DPH6: variants seen among roughly 807,000 people sequenced by gnomAD.
The protein encoded by DPH6 is diphthamine biosynthesis 6.
In DPH6, 33 loss-of-function variants were observed where a neutral mutation model predicts 38.2. The observed-to-expected ratio is 0.86, with a 90% CI of 0.65 to 1.15. The LOEUF (loss-of-function observed/expected upper bound fraction) is 1.15, where lower values mean the gene tolerates loss of function less well. Ranked by LOEUF, DPH6 falls within the 50% of genes most tolerant of loss-of-function variation. The pLI is 0.00. For missense variants in DPH6, 325 were observed against 320.0 expected (o/e 1.02, Z -0.12); for synonymous variants, 108 against 103.0 (o/e 1.05, Z -0.30).
intron 3 of DPH6, among the ~76,000 whole-genome samples, chr15:35,340,716 C>G (rs2052414189): frequency 6.6e-6 from 1 of 152,208 alleles, no homozygotes; most frequent in South Asian, 2.1e-4. Flanking sequence ...CCAATCTCTT[C>G]TGGCTTGTGG....
At chr15:35,398,459 C>T (rs773501346) in intron 6 of DPH6, among the ~76,000 whole-genome samples, 4 of 152,170 alleles carry the variant, frequency 2.6e-5, no homozygotes, top group Non-Finnish European at 5.9e-5. Flanking sequence ...TCCATGAAAA[C>T]CCGAACGGAC....
intron 6 of DPH6, chr15:35,400,616 T>G (rs1359069615): frequency 4.1e-6 from 2 of 483,988 alleles, no homozygotes; most frequent in African/African-American, 3.9e-5. Context: ...CATTTTAAAA[T>G]ATTACAAAAT....
At chr15:35,314,514 C>T (rs1051880326) in intron 3 of DPH6, among the ~76,000 whole-genome samples, 1 of 152,170 alleles carries the variant, frequency 6.6e-6, no homozygotes, top group Admixed American at 6.5e-5. Flanking sequence ...GAACTGCTAA[C>T]AAATGTCCAG....
At chr15:35,358,789 G>A (rs570094256) in intron 3 of DPH6, among the ~76,000 whole-genome samples, 8 of 152,254 alleles carry the variant, frequency 5.3e-5, no homozygotes, top group South Asian at 4.1e-4. Context: ...TGGAGGTGGC[G>A]GGGGATGCAA....
intron 3 of DPH6, among the ~76,000 whole-genome samples, chr15:35,322,511 T>C (rs1334293872): frequency 1.3e-5 from 2 of 152,322 alleles, no homozygotes; most frequent in East Asian, 3.9e-4. Flanking sequence ...TTCACGACCA[T>C]TTTCTAATAA....
chr15:35,410,582 T>A (rs2053353008), intron 6 of DPH6, among the ~76,000 whole-genome samples: 1 of 151,766 alleles, frequency 6.6e-6, no homozygotes, highest in Non-Finnish European at 1.5e-5. Flanking sequence ...CTCATTTTAA[T>A]AAAAATAGAC....
At chr15:35,269,902 T>A (rs2051811365) in intron 3 of DPH6, among the ~76,000 whole-genome samples, 1 of 150,052 alleles carries the variant, frequency 6.7e-6, no homozygotes, top group African/African-American at 2.5e-5. Flanking sequence ...GCCATTCTCC[T>A]GCCTCAGCCT....
intron 3 of DPH6, among the ~76,000 whole-genome samples, chr15:35,246,040 C>A (rs945448824): frequency 1.3e-4 from 20 of 152,150 alleles, no homozygotes; most frequent in Non-Finnish European, 2.5e-4. Flanking sequence ...AGAAGCTCCC[C>A]CACTGAGCAC....
downstream of DPH6, among the ~76,000 whole-genome samples, chr15:35,369,280 A>G (rs745337301): frequency 1.3e-5 from 2 of 151,860 alleles, no homozygotes; most frequent in Non-Finnish European, 2.9e-5. Flanking sequence ...TGGAATTTAG[A>G]AAACAGATTG....
At chr15:35,359,472 C>T (rs1238833461) in intron 3 of DPH6, among the ~76,000 whole-genome samples, 2 of 152,194 alleles carry the variant, frequency 1.3e-5, no homozygotes, top group Non-Finnish European at 2.9e-5. Flanking sequence ...TTACTCCCTG[C>T]TTCTCTCCCA....
chr15:35,389,575 G>C (rs1250117316), intron 6 of DPH6, among the ~76,000 whole-genome samples: 1 of 152,182 alleles, frequency 6.6e-6, no homozygotes. Flanking sequence ...TTGTTGAATT[G>C]ATCTGTTTAC....
intron 3 of DPH6, among the ~76,000 whole-genome samples, chr15:35,487,215 C>T (rs1028508705): frequency 2.6e-5 from 4 of 152,146 alleles, no homozygotes; most frequent in South Asian, 2.1e-4. Context: ...TCTGGGGTTT[C>T]GAGAACAGTG....
At chr15:35,447,379 G>A (rs1282311461) in intron 5 of DPH6, among the ~76,000 whole-genome samples, 2 of 152,066 alleles carry the variant, frequency 1.3e-5, no homozygotes, top group Non-Finnish European at 2.9e-5. Flanking sequence ...AGGTCACATG[G>A]TTACAGCTCT....
At chr15:35,381,765 T>C in intron 7 of DPH6, 57 bp downstream of exon 7, 1 of 1,417,732 alleles carries the variant, frequency 7.1e-7, no homozygotes, top group Non-Finnish European at 9.9e-7. Flanking sequence ...TAATGTTCAG[T>C]TGCTTCCATC....
intron 3 of DPH6, among the ~76,000 whole-genome samples, chr15:35,313,992 C>CT (rs1271801685): frequency 6.6e-6 from 1 of 151,444 alleles, no homozygotes; most frequent in Non-Finnish European, 1.5e-5. Flanking sequence ...AGACAACAAT[C>CT]AATAGAGTGA....
At chr15:35,382,133 T>TA (rs150975865) in intron 6 of DPH6, among the ~76,000 whole-genome samples, 16 of 151,410 alleles carry the variant, frequency 1.1e-4, no homozygotes, top group East Asian at 7.7e-4. Context: ...CCAAAACTCT[T>TA]AAAAAAAAAT....
rs984755965 is a variant in DPH6, at chr15:35,301,864, C to T, written n.200+71657G>A. Among the ~76,000 whole-genome samples the T allele has an allele frequency of 1.8e-4, 27 of 152,062 alleles. 1 individual carries two copies. The highest frequency in any genetic ancestry group is 2.9e-5 in the Non-Finnish European group (2 of 68,008). ...TGGCATGTGCCTGTAATCCCAGCCA[C>T]TTGGGAGGCTGAGGCAGGATAACTG... On this transcript the variant is annotated intron_variant and non_coding_transcript_variant, in intron 3 of 3. Coordinates refer to the DPH6 transcript ENST00000560386.
intron 3 of DPH6, among the ~76,000 whole-genome samples, chr15:35,487,490 C>T (rs1173942602): frequency 1.3e-5 from 2 of 152,388 alleles, no homozygotes; most frequent in South Asian, 2.1e-4. Flanking sequence ...CTCGTACCCT[C>T]TGAAGCAATG....
chr15:35,542,391 C>T (rs1347348555), intron 2 of DPH6, 22 bp downstream of exon 2: 2 of 1,527,274 alleles, frequency 1.3e-6, no homozygotes, highest in Admixed American at 3.4e-5. Flanking sequence ...TAGGCAACTT[C>T]CCAATAAAGG....
Sources: gnomAD v4.1 joint callset for allele counts (sites outside exome capture counted in the v4.1 genomes callset) on GRCh38, gnomAD v4.1.1 for gene constraint, MANE v1.5 for transcripts, NCBI Gene and HGNC (gene_info 2026-07-23, HGNC 2026-07-21) for gene names.